PARP4: variants seen among roughly 807,000 people sequenced by gnomAD.
PARP4 encodes protein mono-ADP-ribosyltransferase PARP4.
PARP4 carries 120 observed loss-of-function variants against 187.7 expected under a neutral mutation model. That is an observed-to-expected ratio of 0.64 (90% confidence interval 0.55 to 0.74). PARP4 has a LOEUF of 0.74. Among genes scored for constraint, PARP4 ranks in the 30% least tolerant of loss-of-function variants. The pLI, the probability that PARP4 is intolerant of heterozygous loss-of-function variation, is 0.00. For missense variants in PARP4, 1,836 were observed against 2,070.5 expected (o/e 0.89, Z 2.20); for synonymous variants, 654 against 740.9 (o/e 0.88, Z 1.90).
In PARP4 at chr13:24,486,286, A is replaced by T. The variant is rs764477637; in HGVS notation, c.1234T>A (p.Leu412Met). 1.2e-6 allele frequency: 2 copies of T among 1,602,124 alleles called. No individual in the cohort carries two copies. Among genetic ancestry groups the T allele is most frequent in the Non-Finnish European group, 1.7e-6 (2 of 1,169,412 alleles). The part of the protein sequence containing the change: ...NHHSKSPVDV[L>M]QIFRVGRVNE... ...ACTCTGCCAACTCTAAATATCTGCA[A>T]GACATCCACTGGGCTCTTACTGTAA... Residue 412 changes from leucine (L) to methionine (M), a missense_variant, in exon 11 of 34, where the codon TTG (leucine) becomes ATG (methionine). Transcript: ENST00000381989.
Position 24,492,480 on chromosome 13 carries a change from CT to C in PARP4, c.993del (p.Gly332AlafsTer7). 2 of 1,614,056 alleles carry C rather than the reference CT, an allele frequency of 1.2e-6. No homozygotes were observed. Among genetic ancestry groups the C allele is most frequent in the Non-Finnish European group, 1.7e-6 (2 of 1,179,972 alleles). On this transcript the variant is annotated frameshift_variant, in exon 9 of 34. Transcript: ENST00000381989. LOFTEE classifies it high-confidence loss of function. ...AGGTTCACTTCTTTGGGCATTGTGC[CT>C]TTGTGAGGTATCAGTCTGTAAAACT... Reference protein sequence around the residue: ...MTEFYRLIPHKGTMPKEVNLG... With the variant: ...MTEFYRLIPHXGTMPKEVNLG...
At chr13:24,489,740 G>A (rs137866657) in intron 10 of PARP4, among the ~76,000 whole-genome samples, 59 of 152,308 alleles carry the variant, frequency 3.9e-4, no homozygotes, top group African/African-American at 1.4e-3. Context: ...TCTGAGTCAG[G>A]CCATAAGGTA....
At chr13:24,487,281 A>G (rs1044497632) in intron 10 of PARP4, among the ~76,000 whole-genome samples, 1 of 146,236 alleles carries the variant, frequency 6.8e-6, no homozygotes, top group Admixed American at 6.8e-5. Context: ...AAAAGTGATC[A>G]AATACCTTAA....
In PARP4 at chr13:24,494,585, T is replaced by C; in HGVS notation, c.729A>G (p.Glu243=). The change falls in exon 7 of 34, where the codon GAA becomes GAG. Residue 243 remains glutamate, a synonymous_variant. Transcript: ENST00000381989. ...FTPEATQLAS[E]QLQALLLEEV... ...AAATCAATCTCACTGCTTGCAATTGTTCAGATGCTAATTGGGTTGCTTCAG... is the reference window on the plus strand; with the variant it reads ...AAATCAATCTCACTGCTTGCAATTGCTCAGATGCTAATTGGGTTGCTTCAG... The C allele has an allele frequency of 6.2e-7, 1 of 1,607,696 alleles. No homozygotes were observed. Among genetic ancestry groups the C allele is most frequent in the Non-Finnish European group, 8.5e-7 (1 of 1,178,048 alleles).
chr13:24,437,720 T>C (rs958217926), intron 30 of PARP4, among the ~76,000 whole-genome samples: 3 of 151,994 alleles, frequency 2.0e-5, no homozygotes, highest in Non-Finnish European at 4.4e-5. Context: ...TTGTGGAGCA[T>C]CCCAGCTACT....
intron 10 of PARP4, 25 bp downstream of exon 10, chr13:24,490,643 C>T (rs890205477): frequency 6.5e-7 from 1 of 1,537,200 alleles, no homozygotes; most frequent in Non-Finnish European, 8.7e-7. Flanking sequence ...TATAACAGAT[C>T]CTGAGATATT....
rs751616499 is a variant in PARP4 at position 24,499,316 on chromosome 13, A to G, written c.462T>C (p.Tyr154=). 1.3e-6 allele frequency: 2 copies of G among 1,537,916 alleles called. No homozygotes were observed. Among genetic ancestry groups the G allele is most frequent in the South Asian group, 1.3e-5 (1 of 78,890 alleles). Residue 154 remains tyrosine (Y), a synonymous_variant, in exon 5 of 34, where the codon TAT becomes TAC. Transcript: ENST00000381989. ...HLPQDFEVAK[Y]NTLEKVGMEG... Reference sequence around the variant, plus strand: ...AGATTCTTACTTTCTCCAAGGTGTTATATTTTGCAACTTCAAAATCTTGAG... The same window carrying G: ...AGATTCTTACTTTCTCCAAGGTGTTGTATTTTGCAACTTCAAAATCTTGAG...
intron 1 of PARP4, among the ~76,000 whole-genome samples, chr13:24,506,364 G>C (rs781073420): frequency 1.3e-5 from 2 of 152,142 alleles, no homozygotes; most frequent in Non-Finnish European, 2.9e-5. Context: ...TTACTGCAAG[G>C]AGTGAAAAAC....
At chr13:24,467,330 A>G (rs1425313883) in intron 17 of PARP4, among the ~76,000 whole-genome samples, 1 of 152,214 alleles carries the variant, frequency 6.6e-6, no homozygotes, top group Non-Finnish European at 1.5e-5. Context: ...CAAACAGTAT[A>G]TTAAGAGTTA....
At position 24,498,193 on chromosome 13, in the gene PARP4, C is replaced by T; in HGVS notation, c.514G>A (p.Glu172Lys). 1 of 1,612,944 alleles carries T rather than the reference C, an allele frequency of 6.2e-7. No individual in the cohort carries two copies. Residue 172 changes from glutamate to lysine, a missense_variant, in exon 6 of 34, where the codon GAG becomes AAG. By Grantham distance (56) the Glu-to-Lys change is moderately conservative (BLOSUM62 1). Coordinates refer to ENST00000381989, the MANE Select transcript of PARP4 (RefSeq NM_006437.4). ...MEGGQEAVVV[E>K]LQCSRDSRDC... ...CTGGAGTCCCGCGAACACTGAAGCT[C>T]CACCACCACAGCTTCCTGGCCTCCC...
intron 12 of PARP4, among the ~76,000 whole-genome samples, chr13:24,484,149 C>CACAAT (rs1355874454): frequency 5.9e-5 from 9 of 152,084 alleles, no homozygotes; most frequent in Admixed American, 2.6e-4. Context: ...TAAATGATGT[C>CACAAT]ACAATACCAA....
intron 1 of PARP4, among the ~76,000 whole-genome samples, chr13:24,509,701 TTTTA>T (rs1318134815): frequency 1.3e-5 from 2 of 150,742 alleles, no homozygotes; most frequent in East Asian, 2.0e-4. Flanking sequence ...CACTGTTGAT[TTTTA>T]TTTGTTTGTT....
chr13:24,457,554 C>T (rs1871930780), intron 20 of PARP4, among the ~76,000 whole-genome samples: 1 of 152,078 alleles, frequency 6.6e-6, no homozygotes, highest in African/African-American at 2.4e-5. Context: ...GGCAGATCAC[C>T]TGAGGTCAGG....
chr13:24,505,835 G>C (rs1349536279), intron 1 of PARP4, among the ~76,000 whole-genome samples: 2 of 152,264 alleles, frequency 1.3e-5, no homozygotes, highest in African/African-American at 2.4e-5. Context: ...TCCAAGTCCT[G>C]TATTAGTTTG....
Position 24,435,180 on chromosome 13 carries a change from G to C in PARP4, c.3961C>G (p.Pro1321Ala), listed in dbSNP as rs1870560714. Residue 1321 changes from proline (P) to alanine (A), a missense_variant, in exon 31 of 34, where the codon CCG (proline) becomes GCG (alanine). Coordinates refer to ENST00000381989, the MANE Select transcript of PARP4 (RefSeq NM_006437.4). ...GGGGGAAGATAGGAACCAACGGCCGGAGCCAAAATAGGAAAAAAGCTAGAA... is the reference window on the plus strand; with the variant it reads ...GGGGGAAGATAGGAACCAACGGCCGCAGCCAAAATAGGAAAAAAGCTAGAA... ...STSSFFPILA[P>A]AVGSYLPPTA... 6.2e-7 allele frequency: 1 copy of C among 1,614,030 alleles called. No homozygotes were observed. The highest frequency in any genetic ancestry group is 8.5e-7 in the Non-Finnish European group (1 of 1,180,020).
chr13:24,448,859 G>A (rs1415680139), intron 25 of PARP4, among the ~76,000 whole-genome samples: 1 of 152,158 alleles, frequency 6.6e-6, no homozygotes, highest in Admixed American at 6.5e-5. Flanking sequence ...AGTGAAATAA[G>A]CCAGACATAA....
intron 5 of PARP4, among the ~76,000 whole-genome samples, chr13:24,498,957 C>T (rs1869116371): frequency 6.6e-6 from 1 of 151,976 alleles, no homozygotes; most frequent in African/African-American, 2.4e-5. Context: ...ATAATATAAA[C>T]ACTAAAAATT....
At chr13:24,509,574 G>A (rs537696734) in intron 1 of PARP4, among the ~76,000 whole-genome samples, 1 of 151,690 alleles carries the variant, frequency 6.6e-6, no homozygotes, top group African/African-American at 2.4e-5. Context: ...TATGTAAATT[G>A]TACCCCAATA....
intron 15 of PARP4, among the ~76,000 whole-genome samples, chr13:24,473,703 C>G (rs1242071763): frequency 3.9e-5 from 6 of 152,184 alleles, no homozygotes. Flanking sequence ...CCCATTCCCT[C>G]TTGAACTCAC....
Sources: allele counts gnomAD v4.1 joint callset (sites outside exome capture counted in the v4.1 genomes callset), GRCh38; gene constraint gnomAD v4.1.1; transcripts MANE v1.5; gene names NCBI Gene and HGNC (gene_info 2026-07-23, HGNC 2026-07-21).